EPB41L2: variants seen among roughly 807,000 people sequenced by gnomAD.
EPB41L2 encodes the protein band 4.1-like protein 2.
In EPB41L2, 43 loss-of-function variants were observed where a neutral mutation model predicts 113.0. That is an observed-to-expected ratio of 0.38 (90% CI 0.30 to 0.49). The LOEUF (loss-of-function observed/expected upper bound fraction) is 0.49, where lower values mean the gene tolerates loss of function less well. Among genes scored for constraint, EPB41L2 ranks in the 20% least tolerant of loss-of-function variants. The pLI is 0.95. For synonymous variants in EPB41L2, 442 were observed against 436.7 expected (o/e 1.01, Z -0.15); for missense variants, 1,147 against 1,223.4 (o/e 0.94, Z 0.93).
At position 130,954,296 on chromosome 6, in the gene EPB41L2, G is replaced by A. The variant is rs1366939369; in HGVS notation, c.705+809C>T. 5.9e-5 allele frequency among the ~76,000 whole-genome samples: 9 copies of A among 151,858 alleles called. 1 individual carries two copies. Among genetic ancestry groups the A allele is most frequent in the Middle Eastern group, 6.8e-3 (2 of 294 alleles). On this transcript the variant is annotated intron_variant, in intron 3 of 19. Transcript: ENST00000337057. ...TCTGGATCTCCTGACCTCGTGATCC[G>A]CCCGCCTTGGCCTCCCAAAGTGCTG... is the stretch of plus-strand genomic sequence containing the variant.
At chr6:130,841,350 T>C (rs1476439356) in intron 19 of EPB41L2, among the ~76,000 whole-genome samples, 2 of 152,068 alleles carry the variant, frequency 1.3e-5, no homozygotes, top group East Asian at 3.9e-4. Flanking sequence ...AACTTGGGGT[T>C]GGCCAGTCAT....
chr6:131,058,751 C>A (rs1798082379), intron 1 of EPB41L2, among the ~76,000 whole-genome samples: 1 of 152,186 alleles, frequency 6.6e-6, no homozygotes, highest in African/African-American at 2.4e-5. Flanking sequence ...TGCGGTGGCT[C>A]ACACCTGTAA....
At chr6:131,031,789 C>T (rs1022835286) in intron 1 of EPB41L2, among the ~76,000 whole-genome samples, 8 of 152,038 alleles carry the variant, frequency 5.3e-5, no homozygotes, top group African/African-American at 9.7e-5. Flanking sequence ...ATTCTGAAGG[C>T]GGCATTTATC....
chr6:130,895,997 A>G (rs1794528877), intron 8 of EPB41L2, among the ~76,000 whole-genome samples: 1 of 152,234 alleles, frequency 6.6e-6, no homozygotes, highest in African/African-American at 2.4e-5. Context: ...AACATATGTA[A>G]AATTGAAGAC....
Position 130,905,856 on chromosome 6 carries a change from T to C in EPB41L2, c.854-1316A>G, listed in dbSNP as rs114846722. ...TGTCTTACCATCAGCACACTACCTTTTCACTCACTCAAATATTTATTAAAT... is the reference window on the plus strand; with the variant it reads ...TGTCTTACCATCAGCACACTACCTTCTCACTCACTCAAATATTTATTAAAT... On this transcript the variant is annotated intron_variant, in intron 5 of 19. Coordinates refer to ENST00000337057, the MANE Select transcript of EPB41L2 (RefSeq NM_001431.4). Among the ~76,000 whole-genome samples the C allele has an allele frequency of 3.9e-3, 588 of 152,310 alleles. 2 individuals carry two copies. Among genetic ancestry groups the C allele is most frequent in the African/African-American group, 0.013 (554 of 41,572 alleles).
intron 1 of EPB41L2, among the ~76,000 whole-genome samples, chr6:130,990,543 A>C (rs1033292776): frequency 2.0e-5 from 3 of 152,254 alleles, no homozygotes; most frequent in African/African-American, 4.8e-5. Context: ...AATCAATTCC[A>C]GTCTATGTAC....
intron 1 of EPB41L2, among the ~76,000 whole-genome samples, chr6:130,996,401 G>A (rs773135152): frequency 3.9e-5 from 6 of 152,128 alleles, no homozygotes; most frequent in Non-Finnish European, 4.4e-5. Flanking sequence ...CTCCAGGACG[G>A]GTCAGGGCTT....
intron 1 of EPB41L2, among the ~76,000 whole-genome samples, chr6:131,025,286 TAG>T (rs1790600230): frequency 6.6e-6 from 1 of 152,170 alleles, no homozygotes; most frequent in Non-Finnish European, 1.5e-5. Context: ...CAAAAGTACT[TAG>T]CATAATACCA....
intron 6 of EPB41L2, among the ~76,000 whole-genome samples, chr6:130,904,134 T>C (rs570887271): frequency 1.3e-5 from 2 of 152,200 alleles, no homozygotes; most frequent in Admixed American, 6.5e-5. Flanking sequence ...ACATGAGTTA[T>C]ATACAATAAA....
chr6:130,908,378 CAA>C (rs1268925439), intron 5 of EPB41L2, among the ~76,000 whole-genome samples: 1 of 152,044 alleles, frequency 6.6e-6, no homozygotes, highest in African/African-American at 2.4e-5. Flanking sequence ...TGCTTCTCCC[CAA>C]AGAGTCCTCA....
At chr6:130,900,238 T>C (rs1484612848) in intron 7 of EPB41L2, among the ~76,000 whole-genome samples, 1 of 152,170 alleles carries the variant, frequency 6.6e-6, no homozygotes, top group Admixed American at 6.5e-5. Context: ...TACCATATTT[T>C]TTTTAAAGAA....
intron 1 of EPB41L2, among the ~76,000 whole-genome samples, chr6:130,972,041 T>C (rs1300003664): frequency 6.6e-6 from 1 of 152,156 alleles, no homozygotes; most frequent in African/African-American, 2.4e-5. Context: ...TGACTAAAAA[T>C]GGCCAGGTCC....
At chr6:130,908,299 G>A (rs1335889710) in intron 5 of EPB41L2, among the ~76,000 whole-genome samples, 1 of 152,134 alleles carries the variant, frequency 6.6e-6, no homozygotes, top group Non-Finnish European at 1.5e-5. Flanking sequence ...TATGCAAAGT[G>A]GCCTTGGATT....
intron 1 of EPB41L2, among the ~76,000 whole-genome samples, chr6:131,034,173 T>C (rs762654996): frequency 6.6e-6 from 1 of 152,178 alleles, no homozygotes; most frequent in African/African-American, 2.4e-5. Flanking sequence ...TAGAGACCTA[T>C]TTTCTTAACC....
intron 3 of EPB41L2, among the ~76,000 whole-genome samples, chr6:130,952,976 G>A (rs1034134194): frequency 3.3e-5 from 5 of 149,572 alleles, no homozygotes; most frequent in South Asian, 2.2e-4. Flanking sequence ...CATAAAGTAC[G>A]TTGGTCAGTC....
intron 1 of EPB41L2, among the ~76,000 whole-genome samples, chr6:130,997,124 G>A (rs1336009349): frequency 6.6e-6 from 1 of 152,140 alleles, no homozygotes; most frequent in Admixed American, 6.5e-5. Flanking sequence ...GAAGCTTTCA[G>A]ACACTGTTAC....
At chr6:131,062,749 T>C (rs1045173054) in intron 1 of EPB41L2, among the ~76,000 whole-genome samples, 3 of 151,636 alleles carry the variant, frequency 2.0e-5, no homozygotes, top group Non-Finnish European at 1.5e-5. Flanking sequence ...CCCGGACGCG[T>C]GACCTGAGCC....
chr6:131,032,846 A>G (rs1206568306), intron 1 of EPB41L2, among the ~76,000 whole-genome samples: 1 of 152,206 alleles, frequency 6.6e-6, no homozygotes, highest in African/African-American at 2.4e-5. Flanking sequence ...AAGACTAACA[A>G]TAACAAAAAA....
chr6:130,969,966 T>A (rs917652494), intron 1 of EPB41L2, among the ~76,000 whole-genome samples: 6 of 152,184 alleles, frequency 3.9e-5, no homozygotes, highest in Non-Finnish European at 7.4e-5. Context: ...GCTATCATGT[T>A]AAAGATAGCC....
Sources: allele counts gnomAD v4.1 joint callset (sites outside exome capture counted in the v4.1 genomes callset), GRCh38; gene constraint gnomAD v4.1.1; transcripts MANE v1.5; gene names NCBI Gene and HGNC (gene_info 2026-07-23, HGNC 2026-07-21).